CDC42BPA: variants seen among roughly 807,000 people sequenced by gnomAD.
CDC42BPA encodes the protein CDC42 binding protein kinase alpha, also known as serine/threonine-protein kinase MRCK alpha.
A neutral mutation model predicts 223.5 loss-of-function variants in CDC42BPA; 80 were observed. The observed-to-expected ratio is 0.36, with a 90% CI of 0.30 to 0.43. The LOEUF is 0.43. Among genes scored for constraint, CDC42BPA ranks in the 20% least tolerant of loss-of-function variants. The pLI is 1.00. For missense variants in CDC42BPA, 1,743 were observed against 2,099.9 expected, an observed-to-expected ratio of 0.83 and a Z score of 3.32; for synonymous variants, 694 against 718.6, an observed-to-expected ratio of 0.97 and a Z score of 0.55.
At chr1:227,076,119 G>A (rs916479608) in intron 17 of CDC42BPA, among the ~76,000 whole-genome samples, 1 of 151,870 alleles carries the variant, frequency 6.6e-6, no homozygotes, top group Non-Finnish European at 1.5e-5. Flanking sequence ...TACTGGTTTG[G>A]AGGGCAACTC....
intron 2 of CDC42BPA, among the ~76,000 whole-genome samples, chr1:227,217,613 C>A (rs1675096215): frequency 6.6e-6 from 1 of 152,126 alleles, no homozygotes; most frequent in Admixed American, 6.5e-5. Context: ...TCCACAGCTT[C>A]CAATGGTTTC....
At chr1:227,288,621 G>A (rs986278750) in intron 1 of CDC42BPA, among the ~76,000 whole-genome samples, 9 of 149,450 alleles carry the variant, frequency 6.0e-5, no homozygotes, top group Admixed American at 2.0e-4. Flanking sequence ...GCTTGAACCC[G>A]GGAGGCGGGG....
chr1:227,130,995 T>C (rs1173166982), intron 10 of CDC42BPA, among the ~76,000 whole-genome samples: 1 of 152,214 alleles, frequency 6.6e-6, no homozygotes, highest in African/African-American at 2.4e-5. Flanking sequence ...TTCCTCAAAA[T>C]TCCTAGGTCT....
At chr1:227,172,873 T>C (rs974184489) in intron 5 of CDC42BPA, among the ~76,000 whole-genome samples, 3 of 152,354 alleles carry the variant, frequency 2.0e-5, no homozygotes, top group South Asian at 2.1e-4. Flanking sequence ...AATACTTGTA[T>C]GTAGATAAAT....
intron 35 of CDC42BPA, among the ~76,000 whole-genome samples, chr1:227,002,517 T>C (rs1199661843): frequency 6.6e-6 from 1 of 152,218 alleles, no homozygotes; most frequent in Non-Finnish European, 1.5e-5. Context: ...TGATCGTCCC[T>C]TCTAGTATTC....
At chr1:227,160,932 T>C (rs1019305751) in intron 5 of CDC42BPA, among the ~76,000 whole-genome samples, 1 of 152,206 alleles carries the variant, frequency 6.6e-6, no homozygotes, top group African/African-American at 2.4e-5. Flanking sequence ...GTGACTATGG[T>C]AGACCTACTT....
intron 14 of CDC42BPA, among the ~76,000 whole-genome samples, chr1:227,110,204 C>T (rs1179609961): frequency 1.3e-5 from 2 of 151,760 alleles, no homozygotes; most frequent in East Asian, 3.9e-4. Flanking sequence ...AAGTCCTTAA[C>T]TCTTTTTGTA....
intron 2 of CDC42BPA, among the ~76,000 whole-genome samples, chr1:227,220,412 A>G (rs1389313441): frequency 6.7e-6 from 1 of 149,718 alleles, no homozygotes; most frequent in Non-Finnish European, 1.5e-5. Flanking sequence ...GAATATATAT[A>G]TACTTTGTCT....
chr1:227,013,005 A>C (rs1345122361), intron 34 of CDC42BPA, among the ~76,000 whole-genome samples: 1 of 152,128 alleles, frequency 6.6e-6, no homozygotes. Flanking sequence ...GAAATAGAAA[A>C]AAGTCATGTG....
chr1:227,006,966 A>AACG (rs1337723109), intron 34 of CDC42BPA, among the ~76,000 whole-genome samples: 4 of 151,752 alleles, frequency 2.6e-5, no homozygotes, highest in African/African-American at 9.7e-5. Flanking sequence ...CAACAACAAC[A>AACG]ACAACAACAA....
chr1:227,244,043 C>A (rs183807083), intron 2 of CDC42BPA, among the ~76,000 whole-genome samples: 1 of 151,526 alleles, frequency 6.6e-6, no homozygotes, highest in East Asian at 1.9e-4. Flanking sequence ...CCCATGTTAG[C>A]GAGGTTATAA....
chr1:227,102,055 T>C (rs1175901404), intron 14 of CDC42BPA, among the ~76,000 whole-genome samples: 1 of 152,154 alleles, frequency 6.6e-6, no homozygotes, highest in African/African-American at 2.4e-5. Context: ...AATAAAACTT[T>C]TAAAACTAAA....
At chr1:227,222,922 G>A (rs1416833775) in intron 2 of CDC42BPA, among the ~76,000 whole-genome samples, 2 of 152,064 alleles carry the variant, frequency 1.3e-5, no homozygotes, top group South Asian at 4.1e-4. Context: ...TGGACCCTTG[G>A]CCCCCACAAG....
chr1:227,108,475 G>A (rs1288035913), intron 14 of CDC42BPA, among the ~76,000 whole-genome samples: 4 of 151,662 alleles, frequency 2.6e-5, no homozygotes, highest in East Asian at 1.9e-4. Flanking sequence ...TACCTCATAC[G>A]ACTTCAATCT....
At chr1:227,241,405 G>A (rs781379444) in intron 2 of CDC42BPA, among the ~76,000 whole-genome samples, 5 of 151,982 alleles carry the variant, frequency 3.3e-5, no homozygotes, top group Admixed American at 1.3e-4. Flanking sequence ...ATTCATATCA[G>A]CTTTATTTCT....
At chr1:227,217,297 A>C (rs895476979) in intron 2 of CDC42BPA, among the ~76,000 whole-genome samples, 1 of 151,838 alleles carries the variant, frequency 6.6e-6, no homozygotes, top group Admixed American at 6.6e-5. Context: ...AAATACAAAA[A>C]TTGGCTGGGT....
intron 5 of CDC42BPA, among the ~76,000 whole-genome samples, chr1:227,163,001 TATGTTTCCAAAC>T (rs1664287872): frequency 6.8e-5 from 3 of 43,970 alleles, no homozygotes; most frequent in Non-Finnish European, 1.8e-4. Flanking sequence ...CAAACATGTG[TATGTTTCCAAAC>T]GTGTATGTTT....
Position 227,263,871 on chromosome 1 carries a change from C to T in CDC42BPA, c.179-9716G>A, listed in dbSNP as rs938522518. 4.7e-4 allele frequency among the ~76,000 whole-genome samples: 72 copies of T among 152,058 alleles called. 1 individual carries two copies. The highest frequency in any genetic ancestry group is 1.6e-3 in the African/African-American group (68 of 41,398). On this transcript the variant is annotated intron_variant, in intron 1 of 36. Transcript: ENST00000366766. Reference sequence around the variant, plus strand: ...TGCTGGGACTACAGGCATGAGCCACCGTGCCCAGCCAAGAATCAAATGTAA... The same window carrying T: ...TGCTGGGACTACAGGCATGAGCCACTGTGCCCAGCCAAGAATCAAATGTAA...
chr1:227,188,294 T>TA (rs1444316933), intron 5 of CDC42BPA, among the ~76,000 whole-genome samples: 5 of 152,124 alleles, frequency 3.3e-5, no homozygotes, highest in Non-Finnish European at 7.4e-5. Context: ...TATGAAGCAG[T>TA]ACCATGTCAT....
Sources: gnomAD v4.1 joint callset for allele counts (sites outside exome capture counted in the v4.1 genomes callset) on GRCh38, gnomAD v4.1.1 for gene constraint, MANE v1.5 for transcripts, NCBI Gene and HGNC (gene_info 2026-07-23, HGNC 2026-07-21) for gene names.